Variants in RAD51B observed in about 807,000 individuals in gnomAD.
RAD51B encodes DNA repair protein RAD51 homolog 2.
RAD51B carries 38 observed loss-of-function variants against 42.2 expected under a neutral mutation model. The ratio of observed to expected loss-of-function variants is 0.90; its 90% CI spans 0.70 to 1.18. The LOEUF (loss-of-function observed/expected upper bound fraction) is 1.18. Among genes scored for constraint, RAD51B ranks in the 50% most tolerant of loss-of-function variants. The pLI is 0.00. For synonymous variants in RAD51B, 154 were observed against 145.2 expected (o/e 1.06, Z -0.43); for missense variants, 373 against 400.7 (o/e 0.93, Z 0.59).
downstream of RAD51B, among the ~76,000 whole-genome samples, chr14:68,596,551 T>G (rs899937210): frequency 2.0e-5 from 3 of 152,230 alleles, no homozygotes; most frequent in Non-Finnish European, 4.4e-5. Flanking sequence ...TCAGCTTTTT[T>G]TTGTCTGGCT....
intron 9 of RAD51B, among the ~76,000 whole-genome samples, chr14:68,454,364 ACTT>A (rs2085630383): frequency 6.6e-6 from 1 of 152,202 alleles, no homozygotes; most frequent in Non-Finnish European, 1.5e-5. Flanking sequence ...CTTAAAAAAA[ACTT>A]CTTCAGAATT....
intron 8 of RAD51B, among the ~76,000 whole-genome samples, chr14:68,344,006 G>A (rs958409758): frequency 1.3e-5 from 2 of 152,272 alleles, no homozygotes; most frequent in Non-Finnish European, 2.9e-5. Context: ...TGGAAATCCT[G>A]GGTGCCCAGG....
chr14:68,304,027 G>T (rs2081805722), intron 8 of RAD51B, among the ~76,000 whole-genome samples: 1 of 152,062 alleles, frequency 6.6e-6, no homozygotes, highest in Non-Finnish European at 1.5e-5. Context: ...AAAATTAGCT[G>T]GATGTGATGG....
intron 10 of RAD51B, among the ~76,000 whole-genome samples, chr14:68,585,149 ACCT>A (rs1374479490): frequency 6.6e-6 from 1 of 152,090 alleles, no homozygotes; most frequent in Non-Finnish European, 1.5e-5. Flanking sequence ...GTGCATTCCC[ACCT>A]CTGTGTACTC....
intron 7 of RAD51B, among the ~76,000 whole-genome samples, chr14:68,197,592 C>T (rs2079398659): frequency 2.0e-5 from 3 of 152,142 alleles, no homozygotes; most frequent in Admixed American, 2.0e-4. Context: ...GTAGGTTATA[C>T]AAATTTTCCA....
At chr14:67,901,371 T>C (rs1463826125) in intron 7 of RAD51B, among the ~76,000 whole-genome samples, 1 of 152,202 alleles carries the variant, frequency 6.6e-6, no homozygotes, top group Admixed American at 6.5e-5. Flanking sequence ...CTGAGCAACA[T>C]CCTGGCATGA....
chr14:68,118,410 C>A (rs531991330), intron 7 of RAD51B, among the ~76,000 whole-genome samples: 54 of 152,288 alleles, frequency 3.5e-4, no homozygotes, highest in African/African-American at 1.3e-3. Flanking sequence ...TGTGACAGTT[C>A]TAATGAGGAC....
At chr14:68,275,242 G>C (rs1184052771) in intron 7 of RAD51B, among the ~76,000 whole-genome samples, 1 of 152,172 alleles carries the variant, frequency 6.6e-6, no homozygotes, top group African/African-American at 2.4e-5. Flanking sequence ...GTTAGAGTCA[G>C]GGAGTTTCTC....
intron 7 of RAD51B, among the ~76,000 whole-genome samples, chr14:68,129,359 A>G (rs1345760755): frequency 6.6e-6 from 1 of 152,198 alleles, no homozygotes; most frequent in African/African-American, 2.4e-5. Flanking sequence ...AAACTTAAAG[A>G]CTTACACATG....
chr14:68,308,593 A>AACTTTCTAG (rs1172495817), intron 8 of RAD51B, among the ~76,000 whole-genome samples: 4 of 151,784 alleles, frequency 2.6e-5, no homozygotes, highest in Non-Finnish European at 5.9e-5. Context: ...TAAGAAACAA[A>AACTTTCTAG]ACTTTCTAGA....
chr14:67,966,510 G>T (rs1435538752), intron 7 of RAD51B, among the ~76,000 whole-genome samples: 3 of 152,096 alleles, frequency 2.0e-5, no homozygotes, highest in African/African-American at 7.2e-5. Flanking sequence ...GTTTGTAAAG[G>T]CTTCTCTGAC....
At chr14:68,505,075 C>G (rs1013199591) in intron 10 of RAD51B, among the ~76,000 whole-genome samples, 1 of 152,112 alleles carries the variant, frequency 6.6e-6, no homozygotes, top group Non-Finnish European at 1.5e-5. Flanking sequence ...TTCTTGGGTA[C>G]GAAGTTTGAC....
intron 7 of RAD51B, among the ~76,000 whole-genome samples, chr14:67,965,523 G>T (rs1464019381): frequency 2.0e-5 from 3 of 151,954 alleles, no homozygotes; most frequent in Non-Finnish European, 1.5e-5. Flanking sequence ...CCTTTGATGG[G>T]TCCCCATTAA....
intron 7 of RAD51B, among the ~76,000 whole-genome samples, chr14:68,252,410 T>C (rs974441136): frequency 2.0e-5 from 3 of 152,222 alleles, no homozygotes; most frequent in African/African-American, 7.2e-5. Flanking sequence ...AATATGGTCC[T>C]AGCTTATATT....
chr14:68,126,778 T>C (rs1018310307), intron 7 of RAD51B, among the ~76,000 whole-genome samples: 1 of 152,228 alleles, frequency 6.6e-6, no homozygotes, highest in Non-Finnish European at 1.5e-5. Context: ...CATTTCCTAG[T>C]CTACTTTCCC....
At chr14:68,130,545 T>C (rs1421105281) in intron 7 of RAD51B, among the ~76,000 whole-genome samples, 1 of 152,256 alleles carries the variant, frequency 6.6e-6, no homozygotes. Context: ...GTATAGCATA[T>C]CTTGGATTAA....
chr14:68,202,490 T>C (rs2079506219), intron 7 of RAD51B, among the ~76,000 whole-genome samples: 2 of 152,088 alleles, frequency 1.3e-5, no homozygotes, highest in Non-Finnish European at 2.9e-5. Flanking sequence ...TGTTGTCATT[T>C]CAATGATGTT....
At chr14:68,483,234 GGCAT>G (rs1883341316) in intron 10 of RAD51B, among the ~76,000 whole-genome samples, 1 of 152,170 alleles carries the variant, frequency 6.6e-6, no homozygotes, top group Non-Finnish European at 1.5e-5. Flanking sequence ...TGTAATGTTT[GGCAT>G]GCACAGCTAT....
rs71129889 is a variant in RAD51B at position 68,456,869 on chromosome 14, A to ATTTTTTTTTTTTTTTTTTTTTTTTTT, written c.958-11276_958-11251dup. On this transcript the variant is annotated intron_variant, in intron 9 of 10. Transcript: ENST00000471583. Reference sequence around the variant, plus strand: ...AAACTTCTCCAATCACAATGGAATGATTTTTTTTTTTTTTTTTTTTTTTTT... The same window carrying ATTTTTTTTTTTTTTTTTTTTTTTTTT: ...AAACTTCTCCAATCACAATGGAATGATTTTTTTTTTTTTTTTTTTTTTTTTTTTTTTTTTTTTTTTTTTTTTTTTTT... Among the ~76,000 whole-genome samples, 2 of 66,460 alleles carry ATTTTTTTTTTTTTTTTTTTTTTTTTT rather than the reference A, an allele frequency of 3.0e-5. 1 individual carries two copies. Among genetic ancestry groups the ATTTTTTTTTTTTTTTTTTTTTTTTTT allele is most frequent in the Non-Finnish European group, 6.1e-5 (2 of 32,922 alleles). 43.6% of individuals were successfully genotyped at this position (66,460 alleles called of 152,430 possible).
Sources: allele counts gnomAD v4.1 joint callset (sites outside exome capture counted in the v4.1 genomes callset), GRCh38; gene constraint gnomAD v4.1.1; transcripts MANE v1.5; gene names NCBI Gene and HGNC (gene_info 2026-07-23, HGNC 2026-07-21).